DDA1: variants seen among roughly 807,000 people sequenced by gnomAD.
DDA1 encodes the protein DET1- and DDB1-associated protein 1.
Under a neutral mutation model 18.6 loss-of-function variants are expected in DDA1, and 3 were observed. The ratio of observed to expected loss-of-function variants is 0.16; its 90% CI spans 0.07 to 0.42. The LOEUF (loss-of-function observed/expected upper bound fraction) is 0.42, where lower values mean the gene tolerates loss of function less well. Among genes scored for constraint, DDA1 ranks in the 10% least tolerant of loss-of-function variants. The probability of loss-of-function intolerance (pLI) is 0.99; values close to 1 mark genes in which losing one functional copy is unlikely to be tolerated. For missense variants in DDA1, 105 were observed against 138.2 expected (o/e 0.76, Z 1.20); for synonymous variants, 52 against 54.0 (o/e 0.96, Z 0.17).
Position 17,322,265 on chromosome 19 carries a change from TC to T in DDA1, c.*2612del. ...TCTGAGGGCTGTGCCCCAGCTTGCC[TC>T]CCTGTGGCCTCCCCCTAGAACCCCT... On this transcript the variant is annotated 3_prime_UTR_variant, in exon 5 of 5. Coordinates refer to ENST00000359866, the MANE Select transcript of DDA1 (RefSeq NM_024050.6). 6.5e-6 allele frequency: 1 copy of T among 152,938 alleles called. No individual in the cohort carries two copies. Among genetic ancestry groups the T allele is most frequent in the Non-Finnish European group, 1.5e-5 (1 of 68,470 alleles). 9.5% of individuals were successfully genotyped at this position (152,938 alleles called of 1,614,324 possible).
In DDA1 at chr19:17,315,649, C is replaced by T; in HGVS notation, c.137-285C>T. 3 of 482,486 alleles carry T rather than the reference C, an allele frequency of 6.2e-6. No individual in the cohort carries two copies. In the South Asian group the frequency reaches 6.6e-5, roughly 11 times the overall value. 29.9% of individuals were successfully genotyped at this position (482,486 alleles called of 1,614,324 possible). ...ACTGGGCACAGATATGCGGTATGTG[C>T]TCCTAGTCAGCCTGGGAGAAACATA... On this transcript the variant is annotated intron_variant, in intron 3 of 4. Transcript: ENST00000359866.
chr19:17,309,963 C>T (rs1287052433), intron 1 of DDA1, among the ~76,000 whole-genome samples: 2 of 84,514 alleles, frequency 2.4e-5, no homozygotes, highest in African/African-American at 7.1e-5. Flanking sequence ...TCCCGTAAGA[C>T]CCCCTGGTCT....
At chr19:17,316,108 C>T in intron 4 of DDA1, 113 bp downstream of exon 4, 1 of 1,282,314 alleles carries the variant, frequency 7.8e-7, no homozygotes, top group Non-Finnish European at 1.1e-6. Flanking sequence ...GCCTTGAGGG[C>T]TGGGTAGGAG....
Position 17,319,707 on chromosome 19 carries a change from ACCCGCCTGCCCGCCATGTGTAAGCAC to A in DDA1, c.*58_*83del, listed in dbSNP as rs2074230800. The A allele has an allele frequency of 2.7e-6, 4 of 1,503,340 alleles. No homozygotes were observed. The highest frequency in any genetic ancestry group is 2.7e-6 in the Non-Finnish European group (3 of 1,114,148). 93.1% of individuals were successfully genotyped at this position (1,503,340 alleles called of 1,614,324 possible). The stretch of plus-strand genomic sequence containing the variant: ...TGCCAGGTCTGCTCCTCGGTCGCCC[ACCCGCCTGCCCGCCATGTGTAAGCAC>A]CCCGCCCGCCCGCCTCCCTGCCGGC... On this transcript the variant is annotated 3_prime_UTR_variant, in exon 5 of 5. Transcript: ENST00000359866.
At chr19:17,316,597 G>C (rs964238985) in intron 4 of DDA1, among the ~76,000 whole-genome samples, 11 of 151,826 alleles carry the variant, frequency 7.2e-5, no homozygotes, top group African/African-American at 2.7e-4. Context: ...AAAAAAGGCC[G>C]GGTGAGGTGG....
chr19:17,313,341 C>A (rs537899946), intron 1 of DDA1, among the ~76,000 whole-genome samples: 1 of 151,658 alleles, frequency 6.6e-6, no homozygotes, highest in Non-Finnish European at 1.5e-5. Flanking sequence ...AGGAGGGCCC[C>A]GTTCAGGGCA....
At chr19:17,315,143 A>G in intron 3 of DDA1, among the ~76,000 whole-genome samples, 1 of 97,422 alleles carries the variant, frequency 1.0e-5, no homozygotes, top group African/African-American at 5.9e-5. Context: ...ACATATATAT[A>G]CACACACGTA....
Position 17,314,531 on chromosome 19 carries a change from A to G in DDA1, c.136+142A>G, listed in dbSNP as rs2074193727. The G allele has an allele frequency of 2.6e-6, 3 of 1,155,708 alleles. No homozygotes were observed. The highest frequency in any genetic ancestry group is 2.1e-5 in the Admixed American group (1 of 46,892). 71.6% of individuals were successfully genotyped at this position (1,155,708 alleles called of 1,614,324 possible). ...GGTTCACACGCTGTCTACTGAATCC[A>G]GTTAAGTCAGGGAGGGCCTCCAGGG... is the stretch of plus-strand genomic sequence containing the variant. On this transcript the variant is annotated intron_variant, in intron 3 of 4. Coordinates refer to ENST00000359866, the MANE Select transcript of DDA1 (RefSeq NM_024050.6). This position sits in a 1 kb window ranked among gnomAD's most constrained non-coding sequence, Gnocchi z 4.6.
At chr19:17,317,685 A>C (rs1278759051) in intron 4 of DDA1, among the ~76,000 whole-genome samples, 2 of 151,120 alleles carry the variant, frequency 1.3e-5, no homozygotes, top group Non-Finnish European at 3.0e-5. Flanking sequence ...AAAAAAAAAA[A>C]AAACAAATTA....
At chr19:17,317,981 T>TTGCCC (rs201571984) in intron 4 of DDA1, among the ~76,000 whole-genome samples, 12,889 of 151,776 alleles carry the variant, frequency 0.085, 632 homozygotes, top group Non-Finnish European at 0.11. Flanking sequence ...TCATTTTCTT[T>TTGCCC]TGCCCTGCCC....
At position 17,314,060 on chromosome 19, in the gene DDA1, G is replaced by C; in HGVS notation, c.41G>C (p.Ser14Thr). The change falls in exon 2 of 5, where the codon AGC becomes ACC. Residue 14 changes from serine (S) to threonine (T), a missense_variant. Ser to Thr is a moderately conservative substitution (Grantham distance 58). Coordinates refer to ENST00000359866, the MANE Select transcript of DDA1 (RefSeq NM_024050.6). The surrounding 1 kb of genome is among the most constrained non-coding windows in gnomAD (Gnocchi z 4.6). ...AAAGGACTGCCTGTCTACAACAAAA[G>C]CAATTTTAGTCGATTTCACGCGGAC... ...FLKGLPVYNK[S>T]NFSRFHADSV... 6.2e-7 allele frequency: 1 copy of C among 1,614,142 alleles called. No homozygotes were observed. Among genetic ancestry groups the C allele is most frequent in the Middle Eastern group, 1.6e-4 (1 of 6,062 alleles).
chr19:17,314,610 C>G lies in DDA1; in HGVS notation c.136+221C>G. On this transcript the variant is annotated intron_variant, in intron 3 of 4. Transcript: ENST00000359866. This position sits in a 1 kb window ranked among gnomAD's most constrained non-coding sequence, Gnocchi z 4.6. ...CAGCCTGGGGATGCACACGTGGATGCCTGTCCACTCCCAGCCCCTGGGGAC... is the reference window on the plus strand; with the variant it reads ...CAGCCTGGGGATGCACACGTGGATGGCTGTCCACTCCCAGCCCCTGGGGAC... The G allele has an allele frequency of 1.7e-6, 1 of 583,542 alleles. No individual in the cohort carries two copies. The highest frequency in any genetic ancestry group is 2.0e-5 in the South Asian group (1 of 49,932). 36.1% of individuals were successfully genotyped at this position (583,542 alleles called of 1,614,324 possible).
Position 17,315,091 on chromosome 19 carries a change from G to A in DDA1, c.136+702G>A, listed in dbSNP as rs1286711108. Among the ~76,000 whole-genome samples the A allele has an allele frequency of 4.5e-5, 6 of 134,232 alleles. 1 individual carries two copies. Among genetic ancestry groups the A allele is most frequent in the South Asian group, 2.2e-4 (1 of 4,554 alleles). 88.1% of individuals were successfully genotyped at this position (134,232 alleles called of 152,430 possible). A position where few individuals can be genotyped will look rare whatever the true frequency, so the allele number is the denominator to read the frequency against. ...GTTTCACCAAAAACCATATATATAC[G>A]TATATATACACACATATATATACAC... On this transcript the variant is annotated intron_variant, in intron 3 of 4. Coordinates refer to ENST00000359866, the MANE Select transcript of DDA1 (RefSeq NM_024050.6).
chr19:17,315,106 T>C (rs1239168355), intron 3 of DDA1, among the ~76,000 whole-genome samples: 4 of 127,886 alleles, frequency 3.1e-5, no homozygotes, highest in African/African-American at 6.9e-5. Flanking sequence ...TATACACACA[T>C]ATATATACAC....
intron 3 of DDA1, among the ~76,000 whole-genome samples, chr19:17,315,295 TACACACGTGTATATATATAC>T (rs1179679548): frequency 3.1e-5 from 1 of 31,752 alleles, no homozygotes; most frequent in Non-Finnish European, 6.5e-5. Context: ...ACTATATATA[TACACACGTGTATATATATAC>T]ACGCTATATA....
intron 4 of DDA1, among the ~76,000 whole-genome samples, chr19:17,317,268 G>T (rs2074218244): frequency 6.6e-6 from 1 of 152,070 alleles, no homozygotes; most frequent in African/African-American, 2.4e-5. Flanking sequence ...TCAGGACTTT[G>T]GGAGGCCGAG....
In DDA1 at chr19:17,314,231, C is replaced by A; in HGVS notation, c.85-107C>A. 6.4e-7 allele frequency: 1 copy of A among 1,559,072 alleles called. No individual in the cohort carries two copies. The highest frequency in any genetic ancestry group is 8.8e-7 in the Non-Finnish European group (1 of 1,132,164). On this transcript the variant is annotated intron_variant, in intron 2 of 4. Transcript: ENST00000359866. The surrounding 1 kb of genome is among the most constrained non-coding windows in gnomAD (Gnocchi z 4.6). ...CTTCAAGCCCAGCCCCATCCACATACTTGAGTGTCTTCCAATCTGCACTGA... is the reference window on the plus strand; with the variant it reads ...CTTCAAGCCCAGCCCCATCCACATAATTGAGTGTCTTCCAATCTGCACTGA...
intron 4 of DDA1, among the ~76,000 whole-genome samples, 188 bp from the exon 5 acceptor site, chr19:17,319,358 C>T (rs991922196): frequency 2.0e-5 from 3 of 152,216 alleles, no homozygotes; most frequent in African/African-American, 7.2e-5. Context: ...CGTGAAGACT[C>T]ACAGCCTCCA....
Position 17,319,931 on chromosome 19 carries a change from G to C in DDA1, c.*275G>C, listed in dbSNP as rs911171788. 3.7e-5 allele frequency: 13 copies of C among 352,768 alleles called. No individual in the cohort carries two copies. The Admixed American group carries it at 3.8e-4, about 10-fold the overall frequency. 21.9% of individuals were successfully genotyped at this position (352,768 alleles called of 1,614,324 possible). The stretch of plus-strand genomic sequence containing the variant: ...TTAAAAAAAACAACATTGTCCCCCC[G>C]ACCCCCGCCTTCCATCGGGCCAGTT... On this transcript the variant is annotated 3_prime_UTR_variant, in exon 5 of 5. Transcript: ENST00000359866.
Sources: allele counts gnomAD v4.1 joint callset (sites outside exome capture counted in the v4.1 genomes callset), GRCh38; gene constraint gnomAD v4.1.1; non-coding constraint Gnocchi (gnomAD v3.1); transcripts MANE v1.5; gene names NCBI Gene and HGNC (gene_info 2026-07-23, HGNC 2026-07-21).